Variants in ZNF417 observed in about 807,000 individuals in gnomAD.
The protein encoded by ZNF417 is zinc finger protein 417.
Under a neutral mutation model 7.4 loss-of-function variants are expected in ZNF417, and 5 were observed. That is an observed-to-expected ratio of 0.68 (90% CI 0.35 to 1.43). The LOEUF (loss-of-function observed/expected upper bound fraction) is 1.43, where lower values mean the gene tolerates loss of function less well. Among genes scored for constraint, ZNF417 ranks in the 40% most tolerant of loss-of-function variants. The probability of loss-of-function intolerance (pLI) is 0.04; values close to 1 mark genes in which losing one functional copy is unlikely to be tolerated. For missense variants in ZNF417, 437 were observed against 697.3 expected, an observed-to-expected ratio of 0.63 and a Z score of 4.20; for synonymous variants, 147 against 239.1, an observed-to-expected ratio of 0.61 and a Z score of 3.55.
At chr19:57,915,859 A>T (rs1166152662) in intron 1 of ZNF417, among the ~76,000 whole-genome samples, 1 of 152,156 alleles carries the variant, frequency 6.6e-6, no homozygotes, top group African/African-American at 2.4e-5. Flanking sequence ...AAAACCTAAG[A>T]TCAGTGCTTG....
rs568283531 is a variant in ZNF417, at chr19:57,908,699, T to G, written c.1579A>C (p.Lys527Gln). 3.7e-6 allele frequency: 6 copies of G among 1,614,196 alleles called. No homozygotes were observed. The East Asian group carries it at 1.1e-4, about 30-fold the overall frequency. ...AGACTGGAACATTCAGCAAAGGATT[T>G]TCCACATTCACTGCACTTATAAGGC... ...QKPYKCSECGKSFAECSSLIK... is the reference protein window; with the variant it reads ...QKPYKCSECGQSFAECSSLIK... The change falls in exon 3 of 3, where the codon AAA becomes CAA. Residue 527 changes from lysine to glutamine, a missense_variant. Physicochemically the swap from Lys to Gln is moderately conservative, Grantham distance 53. This residue lies in a region of ZNF417 where 233 missense variants were observed against 235.5 expected (regional missense o/e 0.99). Transcript: ENST00000312026.
At chr19:57,915,991 C>T (rs1354503912) in intron 1 of ZNF417, among the ~76,000 whole-genome samples, 2 of 152,214 alleles carry the variant, frequency 1.3e-5, no homozygotes, top group East Asian at 1.9e-4. Context: ...CACTTTAACC[C>T]TCTATGAATC....
In ZNF417 at chr19:57,908,831, G is replaced by C. The variant is rs759004763; in HGVS notation, c.1447C>G (p.Gln483Glu). 4.3e-6 allele frequency: 7 copies of C among 1,613,734 alleles called. No homozygotes were observed. In the African/African-American group the frequency reaches 6.7e-5, roughly 15 times the overall value. ...GGCCTTTCTCCAGTGTGAATCCTCT[G>C]ATGTATAGTCACGCAGTTCTTATTA... ...FGNKNCVTIH[Q>E]RIHTGERPYE... is the part of the protein sequence containing the mutation. Residue 483 changes from glutamine (Q) to glutamate (E), a missense_variant, in exon 3 of 3, where the codon CAG becomes GAG. By Grantham distance (29) the Gln-to-Glu change is conservative. This residue lies in a region of ZNF417 where 233 missense variants were observed against 235.5 expected (regional missense o/e 0.99). Transcript: ENST00000312026.
chr19:57,916,296 C>T lies in ZNF417; in HGVS notation c.33+83G>A, dbSNP rs1444413249. 1.9e-4 allele frequency: 313 copies of T among 1,610,822 alleles called. 1 individual carries two copies. The highest frequency in any genetic ancestry group is 2.2e-5 in the South Asian group (2 of 90,774). On this transcript the variant is annotated intron_variant, in intron 1 of 2. Transcript: ENST00000312026. ...CTACGCCGGGTACCGGCTACAGACC[C>T]GTGAGCAGGAGCCGCTCCCTCGCTG... is the stretch of plus-strand genomic sequence containing the variant.
At position 57,908,357 on chromosome 19, in the gene ZNF417, T is replaced by C. The variant is rs768433550; in HGVS notation, c.*193A>G. 222 of 1,061,432 alleles carry C rather than the reference T, an allele frequency of 2.1e-4. No homozygotes were observed. Among genetic ancestry groups the C allele is most frequent in the Non-Finnish European group, 2.6e-4 (192 of 742,950 alleles). The allele number at this position is 1,061,432 out of a possible 1,614,324, so 65.8% of individuals were successfully genotyped here. A position where few individuals can be genotyped will look rare whatever the true frequency, so the allele number is the denominator to read the frequency against. Reference sequence around the variant, plus strand: ...AGGCCCAAGTTGCAGTGAGCCAAGATTGCACCACTGCACTCCAGCCTGGGT... The same window carrying C: ...AGGCCCAAGTTGCAGTGAGCCAAGACTGCACCACTGCACTCCAGCCTGGGT... On this transcript the variant is annotated 3_prime_UTR_variant, in exon 3 of 3. Coordinates refer to ENST00000312026, the MANE Select transcript of ZNF417 (RefSeq NM_152475.3).
Position 57,908,673 on chromosome 19 carries a change from G to C in ZNF417, c.1605C>G (p.Leu535=). 1 of 1,613,884 alleles carries C rather than the reference G, an allele frequency of 6.2e-7. No individual in the cohort carries two copies. The highest frequency in any genetic ancestry group is 1.1e-5 in the South Asian group (1 of 91,060). Residue 535 remains leucine, a synonymous_variant, in exon 3 of 3, where the codon CTC becomes CTG. Transcript: ENST00000312026. The part of the protein sequence containing the change: ...CGKSFAECSS[L]IKHRRIHTGE... The stretch of plus-strand genomic sequence containing the variant: ...CAGTGTGAATTCTCCTGTGTTTAAT[G>C]AGACTGGAACATTCAGCAAAGGATT...
At chr19:57,913,324 A>T (rs1600149537) in intron 1 of ZNF417, among the ~76,000 whole-genome samples, 1 of 152,316 alleles carries the variant, frequency 6.6e-6, no homozygotes, top group Admixed American at 6.5e-5. Context: ...CATCCTGTGA[A>T]CGTCTCCCGG....
In ZNF417 at chr19:57,909,729, T is replaced by A. The variant is rs2071880094; in HGVS notation, c.549A>T (p.Ser183=). 1 of 1,485,646 alleles carries A rather than the reference T, an allele frequency of 6.7e-7. No individual in the cohort carries two copies. Among genetic ancestry groups the A allele is most frequent in the African/African-American group, 1.7e-5 (1 of 60,424 alleles). 92.0% of individuals were successfully genotyped at this position (1,485,646 alleles called of 1,614,324 possible). Residue 183 remains serine, a synonymous_variant, in exon 3 of 3, where the codon TCA becomes TCT. Transcript: ENST00000312026. ...REFGKDVLPS[S]GLCQEAAAVE... The stretch of plus-strand genomic sequence containing the variant: ...CAGCAGCTGCTTCTTGGCACAATCC[T>A]GAACTGGGCAGAACGTCCTTCCCAA...
At position 57,906,640 on chromosome 19, in the gene ZNF417, A is replaced by G. The variant is rs2071831106; in HGVS notation, c.*1910T>C. 2.0e-5 allele frequency among the ~76,000 whole-genome samples: 3 copies of G among 148,386 alleles called. No individual in the cohort carries two copies. The highest frequency in any genetic ancestry group is 4.4e-4 in the South Asian group (2 of 4,590). ...GGTGGGCGTGGTGGAGGGAACCTATAGGCCCAGCTACTTGGGAGGCTGAGG... is the reference window on the plus strand; with the variant it reads ...GGTGGGCGTGGTGGAGGGAACCTATGGGCCCAGCTACTTGGGAGGCTGAGG... On this transcript the variant is annotated 3_prime_UTR_variant, in exon 3 of 3. Coordinates refer to ENST00000312026, the MANE Select transcript of ZNF417 (RefSeq NM_152475.3).
Position 57,912,078 on chromosome 19 carries a change from C to T in ZNF417, c.145G>A (p.Ala49Thr). 2 of 1,591,346 alleles carry T rather than the reference C, an allele frequency of 1.3e-6. No homozygotes were observed. The highest frequency in any genetic ancestry group is 1.7e-6 in the Non-Finnish European group (2 of 1,166,318). ...AACTTACCCAGCGAGGATATGAGAG[C>T]CAGGTTCTCTAGCATCACATCACGG... Reference protein sequence around the residue: ...LYRDVMLENLALISSLGCWCG... With the variant: ...LYRDVMLENLTLISSLGCWCG... The change falls in exon 2 of 3, where the codon GCT becomes ACT. Residue 49 changes from alanine (A) to threonine (T), a missense_variant. Ala to Thr is a moderately conservative substitution (Grantham distance 58). This residue lies in a region of ZNF417 where 57 missense variants were observed against 70.7 expected (regional missense o/e 0.81). Coordinates refer to ENST00000312026, the MANE Select transcript of ZNF417 (RefSeq NM_152475.3).
At position 57,908,346 on chromosome 19, in the gene ZNF417, G is replaced by A. The variant is rs953177439; in HGVS notation, c.*204C>T. 111 of 947,930 alleles carry A rather than the reference G, an allele frequency of 1.2e-4. 1 individual carries two copies. Among genetic ancestry groups the A allele is most frequent in the Middle Eastern group, 1.0e-3 (4 of 3,916 alleles). 58.7% of individuals were successfully genotyped at this position (947,930 alleles called of 1,614,324 possible). The stretch of plus-strand genomic sequence containing the variant: ...TTGAACCTGGGAGGCCCAAGTTGCA[G>A]TGAGCCAAGATTGCACCACTGCACT... On this transcript the variant is annotated 3_prime_UTR_variant, in exon 3 of 3. Transcript: ENST00000312026.
intron 1 of ZNF417, among the ~76,000 whole-genome samples, chr19:57,914,483 C>CAAA (rs528220711): frequency 2.3e-4 from 13 of 57,594 alleles, no homozygotes; most frequent in East Asian, 1.2e-3. Context: ...CGAAACTCCA[C>CAAA]AAAAAAAAAA....
At chr19:57,913,657 C>G (rs1227471751) in intron 1 of ZNF417, among the ~76,000 whole-genome samples, 1 of 152,204 alleles carries the variant, frequency 6.6e-6, no homozygotes, top group African/African-American at 2.4e-5. Flanking sequence ...TTCCTTACTC[C>G]TATGCTTCTG....
chr19:57,916,362 G>T lies in ZNF417; in HGVS notation c.33+17C>A. 15 of 1,614,198 alleles carry T rather than the reference G, an allele frequency of 9.3e-6. No individual in the cohort carries two copies. The highest frequency in any genetic ancestry group is 1.3e-5 in the Non-Finnish European group (15 of 1,180,058). On this transcript the variant is annotated intron_variant, in intron 1 of 2. Transcript: ENST00000312026. ...GACGATGGGGTGACCTGAGGGCACA[G>T]AAGGCGCCACAATTACCTGAGTCGG... is the stretch of plus-strand genomic sequence containing the variant.
At position 57,909,300 on chromosome 19, in the gene ZNF417, A is replaced by G; in HGVS notation, c.978T>C (p.Cys326=). The G allele has an allele frequency of 6.2e-7, 1 of 1,614,040 alleles. No homozygotes were observed. Residue 326 remains cysteine (C), a synonymous_variant, in exon 3 of 3, where the codon TGT becomes TGC. Coordinates refer to ENST00000312026, the MANE Select transcript of ZNF417 (RefSeq NM_152475.3). The stretch of plus-strand genomic sequence containing the variant: ...GACCAAAAGATTTCCCATATTCTCT[A>G]CACTCATAAGGCCTTTCTCCAGTGT... ...RVHTGERPYE[C]REYGKSFGQK... is the part of the protein sequence containing the mutation.
At chr19:57,913,384 A>C (rs181842935) in intron 1 of ZNF417, among the ~76,000 whole-genome samples, 41 of 150,330 alleles carry the variant, frequency 2.7e-4, no homozygotes, top group African/African-American at 8.3e-4. Context: ...ATATCCATGG[A>C]CCTATTTCAC....
In ZNF417 at chr19:57,909,062, T is replaced by C; in HGVS notation, c.1216A>G (p.Arg406Gly). 1.9e-6 allele frequency: 3 copies of C among 1,614,188 alleles called. No homozygotes were observed. The highest frequency in any genetic ancestry group is 2.5e-6 in the Non-Finnish European group (3 of 1,180,032). Residue 406 changes from arginine (R) to glycine (G), a missense_variant, in exon 3 of 3, where the codon AGG becomes GGG. By Grantham distance (125) the Arg-to-Gly change is moderately radical (BLOSUM62 -2). Around this residue, in one of 5 missense-constraint regions of ZNF417, gnomAD observed 233 missense variants for 235.5 expected, o/e 0.99. Coordinates refer to ENST00000312026, the MANE Select transcript of ZNF417 (RefSeq NM_152475.3). ...VQHQRGHTGE[R>G]PYECKECGKS... ...CCACATTCCTTGCACTCATAGGGCC[T>C]TTCTCCAGTATGACCTCGCTGATGT...
In ZNF417 at chr19:57,906,641, G is replaced by A. The variant is rs1433213177; in HGVS notation, c.*1909C>T. On this transcript the variant is annotated 3_prime_UTR_variant, in exon 3 of 3. Transcript: ENST00000312026. ...GTGGGCGTGGTGGAGGGAACCTATA[G>A]GCCCAGCTACTTGGGAGGCTGAGGC... Among the ~76,000 whole-genome samples, 1 of 148,132 alleles carries A rather than the reference G, an allele frequency of 6.8e-6. No individual in the cohort carries two copies. The highest frequency in any genetic ancestry group is 1.5e-5 in the Non-Finnish European group (1 of 66,942).
chr19:57,908,431 A>G lies in ZNF417; in HGVS notation c.*119T>C, dbSNP rs895782306. 3.2e-6 allele frequency: 5 copies of G among 1,559,608 alleles called. No homozygotes were observed. The African/African-American group carries it at 6.8e-5, about 21-fold the overall frequency. On this transcript the variant is annotated 3_prime_UTR_variant, in exon 3 of 3. Coordinates refer to ENST00000312026, the MANE Select transcript of ZNF417 (RefSeq NM_152475.3). Reference sequence around the variant, plus strand: ...TGCGAAGTCTCTTAAGACCAAGGAGAGCAGACATTCTGATGTTTCCCAGAT... The same window carrying G: ...TGCGAAGTCTCTTAAGACCAAGGAGGGCAGACATTCTGATGTTTCCCAGAT...
Sources: gnomAD v4.1 joint callset for allele counts (sites outside exome capture counted in the v4.1 genomes callset) on GRCh38, gnomAD v4.1.1 for gene constraint, gnomAD v4.1.1 regional missense constraint, MANE v1.5 for transcripts, NCBI Gene and HGNC (gene_info 2026-07-23, HGNC 2026-07-21) for gene names.